Variants in OPHN1 observed in about 807,000 individuals in gnomAD.
The protein encoded by OPHN1 is oligophrenin 1.
A neutral mutation model predicts 60.7 loss-of-function variants in OPHN1; 11 were observed. The ratio of observed to expected loss-of-function variants is 0.18; its 90% CI spans 0.11 to 0.30. The LOEUF is 0.30. Among genes scored for constraint, OPHN1 ranks in the 10% least tolerant of loss-of-function variants. The pLI, the probability that OPHN1 is intolerant of heterozygous loss-of-function variation, is 1.00. For missense variants in OPHN1, 449 were observed against 611.0 expected (o/e 0.73, Z 2.80); for synonymous variants, 226 against 222.6 (o/e 1.02, Z -0.14).
intron 3 of OPHN1, among the ~76,000 whole-genome samples, chrX:68,290,226 G>A (rs1323271777): frequency 9.0e-6 from 1 of 111,328 alleles, no homozygotes; most frequent in Non-Finnish European, 1.9e-5. Context: ...TTGGAAAGCC[G>A]AGGTAGGCAG....
At chrX:68,346,193 G>A (rs1271074648) in intron 2 of OPHN1, among the ~76,000 whole-genome samples, 1 of 111,321 alleles carries the variant, frequency 9.0e-6, no homozygotes, top group Non-Finnish European at 1.9e-5. Context: ...ATCAACACAG[G>A]TACAAATTGT....
At chrX:68,202,603 G>A (rs1384228448) in intron 10 of OPHN1, among the ~76,000 whole-genome samples, 2 of 109,784 alleles carry the variant, frequency 1.8e-5, no homozygotes, top group Non-Finnish European at 3.8e-5. Context: ...GGGTTCAAGC[G>A]ATTCTCCTGC....
chrX:68,322,534 C>T (rs768024960), intron 2 of OPHN1, among the ~76,000 whole-genome samples: 1 of 111,659 alleles, frequency 9.0e-6, no homozygotes, highest in East Asian at 2.8e-4. Context: ...TGCTTGTAAT[C>T]CCAGCATTTT....
chrX:68,428,985 T>C lies in OPHN1; in HGVS notation c.154+3882A>G, dbSNP rs781262998. ...AAAATGACACATTCACCAACAGATATATTAAGAATCCGAAGATGTATTATC... is the reference window on the plus strand; with the variant it reads ...AAAATGACACATTCACCAACAGATACATTAAGAATCCGAAGATGTATTATC... On this transcript the variant is annotated intron_variant, in intron 2 of 24. Transcript: ENST00000355520. Among the ~76,000 whole-genome samples the C allele has an allele frequency of 3.6e-5, 4 of 112,365 alleles. No homozygotes were observed. The South Asian group carries it at 1.5e-3, about 42-fold the overall frequency.
intron 15 of OPHN1, among the ~76,000 whole-genome samples, chrX:68,179,273 T>C (rs1449687452): frequency 8.9e-6 from 1 of 112,306 alleles, no homozygotes. Context: ...CTCTAACATA[T>C]GGATATTGCC....
intron 15 of OPHN1, among the ~76,000 whole-genome samples, chrX:68,174,660 C>T (rs762922115): frequency 3.7e-5 from 4 of 109,092 alleles, no homozygotes; most frequent in Admixed American, 9.9e-5. Context: ...TTTGTAGAGA[C>T]AGGGTCTCCC....
At chrX:68,418,577 CCTT>C (rs1199501669) in intron 2 of OPHN1, among the ~76,000 whole-genome samples, 1 of 111,779 alleles carries the variant, frequency 8.9e-6, no homozygotes, top group East Asian at 2.8e-4. Context: ...CCATTGACCT[CCTT>C]CTATAATACA....
At position 68,433,223 on chromosome X, in the gene OPHN1, C is replaced by T. The variant is rs1038244321; in HGVS notation, c.-60G>A. The T allele has an allele frequency of 4.7e-6, 2 of 425,837 alleles. No individual in the cohort carries two copies. Among genetic ancestry groups the T allele is most frequent in the African/African-American group, 4.9e-5 (2 of 40,477 alleles). The allele number at this position is 425,837 out of a possible 1,213,427, so 35.1% of individuals were successfully genotyped here. On this transcript the variant is annotated 5_prime_UTR_variant, in exon 1 of 25. Transcript: ENST00000355520. Reference sequence around the variant, plus strand: ...GCTGGTCCGGACAGAGAACAGGCGCCCCGGCGATGGCTTCAGGGCCAGGGA... The same window carrying T: ...GCTGGTCCGGACAGAGAACAGGCGCTCCGGCGATGGCTTCAGGGCCAGGGA...
chrX:68,407,545 C>A (rs189761608), intron 2 of OPHN1, among the ~76,000 whole-genome samples: 1 of 111,724 alleles, frequency 9.0e-6, no homozygotes, highest in South Asian at 3.8e-4. Flanking sequence ...CTGTAAAATG[C>A]GGGCATCGAT....
intron 19 of OPHN1, among the ~76,000 whole-genome samples, chrX:68,081,053 C>G (rs958015344): frequency 1.8e-5 from 2 of 111,642 alleles, no homozygotes; most frequent in Admixed American, 9.5e-5. Flanking sequence ...ACTTTTCTGA[C>G]AGCAGAGATT....
At chrX:68,252,284 T>C (rs774899373) in intron 5 of OPHN1, among the ~76,000 whole-genome samples, 1 of 112,615 alleles carries the variant, frequency 8.9e-6, no homozygotes, top group African/African-American at 3.2e-5. Flanking sequence ...CCACTGAATT[T>C]TGGGATGCTT....
At chrX:68,264,158 A>G (rs1242619207) in intron 5 of OPHN1, among the ~76,000 whole-genome samples, 3 of 111,729 alleles carry the variant, frequency 2.7e-5, no homozygotes, top group African/African-American at 9.7e-5. Context: ...AAACCCTAGA[A>G]GAAAACCTAG....
intron 2 of OPHN1, among the ~76,000 whole-genome samples, chrX:68,331,549 C>A (rs1454299416): frequency 9.3e-6 from 1 of 107,175 alleles, no homozygotes; most frequent in East Asian, 2.9e-4. Context: ...CTGGCCAATA[C>A]GGTGTAACCC....
chrX:68,315,476 A>G (rs957029319), intron 2 of OPHN1, among the ~76,000 whole-genome samples: 6 of 112,075 alleles, frequency 5.4e-5, no homozygotes, highest in African/African-American at 1.6e-4. Flanking sequence ...CATATATGAA[A>G]AACACACAGC....
intron 2 of OPHN1, among the ~76,000 whole-genome samples, chrX:68,341,590 T>G (rs2078351805): frequency 9.0e-6 from 1 of 111,563 alleles, no homozygotes; most frequent in Non-Finnish European, 1.9e-5. Flanking sequence ...TCCCAACACT[T>G]TGGGAGGACA....
chrX:68,209,803 T>C (rs2077576196), intron 9 of OPHN1, among the ~76,000 whole-genome samples: 1 of 111,647 alleles, frequency 9.0e-6, no homozygotes, highest in Non-Finnish European at 1.9e-5. Context: ...CTTAGCACCA[T>C]GTCTGGTACA....
intron 3 of OPHN1, among the ~76,000 whole-genome samples, chrX:68,295,512 T>C (rs1363398508): frequency 1.8e-5 from 2 of 112,520 alleles, no homozygotes; most frequent in Admixed American, 1.9e-4. Context: ...CAAGATCCCA[T>C]AGCTAACATA....
chrX:68,248,154 C>A (rs1000028047), intron 5 of OPHN1, among the ~76,000 whole-genome samples: 7 of 111,312 alleles, frequency 6.3e-5, no homozygotes, highest in South Asian at 3.8e-4. Context: ...CAACTCCTGG[C>A]AGCAGCAGCA....
At chrX:68,422,269 C>G (rs779020039) in intron 2 of OPHN1, among the ~76,000 whole-genome samples, 21 of 110,468 alleles carry the variant, frequency 1.9e-4, no homozygotes, top group Non-Finnish European at 3.4e-4. Flanking sequence ...AGCCTTGGAC[C>G]CAGCACTTTG....
Sources: allele counts gnomAD v4.1 joint callset (sites outside exome capture counted in the v4.1 genomes callset), GRCh38; gene constraint gnomAD v4.1.1; transcripts MANE v1.5; gene names NCBI Gene and HGNC (gene_info 2026-07-23, HGNC 2026-07-21).